The following PGAM1 variants were observed in gnomAD, a reference collection of about 807,000 sequenced individuals.
The protein encoded by PGAM1 is phosphoglycerate mutase 1, also known as BPG-dependent PGAM 1.
In PGAM1, 21 loss-of-function variants were observed where a neutral mutation model predicts 23.5. That is an observed-to-expected ratio of 0.89 (90% CI 0.63 to 1.29). The LOEUF is 1.29. Ranked by LOEUF, PGAM1 falls within the 50% of genes most tolerant of loss-of-function variation. The pLI, the probability that PGAM1 is intolerant of heterozygous loss-of-function variation, is 0.00. For missense variants in PGAM1, 232 were observed against 336.3 expected (o/e 0.69, Z 2.42); for synonymous variants, 109 against 128.6 (o/e 0.85, Z 1.03).
intron 1 of PGAM1, chr10:97,427,622 A>G (rs1845424494): frequency 2.1e-5 from 25 of 1,180,302 alleles, no homozygotes; most frequent in Non-Finnish European, 2.5e-5. Context: ...CAAAGGTGGA[A>G]GTGGCTGTGA....
chr10:97,427,752 G>T (rs1326064602), intron 1 of PGAM1: 1 of 1,282,086 alleles, frequency 7.8e-7, no homozygotes, highest in African/African-American at 1.5e-5. Context: ...CTGAAGAGGT[G>T]CTTCCGCTGA....
At chr10:97,427,750 G>A in intron 1 of PGAM1, 2 of 1,281,406 alleles carry the variant, frequency 1.6e-6, no homozygotes, top group South Asian at 2.5e-5. Context: ...GACTGAAGAG[G>A]TGCTTCCGCT....
intron 1 of PGAM1, 31 bp from the exon 2 acceptor site, chr10:97,430,345 GGTT>G: frequency 6.2e-7 from 1 of 1,611,480 alleles, no homozygotes; most frequent in Non-Finnish European, 8.5e-7. Context: ...GAGTAGACCT[GGTT>G]AGCTTATCAC....
At chr10:97,429,884 A>G (rs1210934552) in intron 1 of PGAM1, among the ~76,000 whole-genome samples, 5 of 152,040 alleles carry the variant, frequency 3.3e-5, no homozygotes, top group Non-Finnish European at 7.4e-5. Context: ...TGTCTCTACT[A>G]AAAATACAAA....
intron 1 of PGAM1, chr10:97,427,964 G>C (rs1319226993): frequency 7.8e-7 from 1 of 1,278,444 alleles, no homozygotes; most frequent in Non-Finnish European, 1.0e-6. Context: ...GGTGGGCAGG[G>C]GAGTGATTGT....
rs917116223 is a variant in PGAM1, at chr10:97,433,309, A to G, written c.*785A>G. ...AGTGAAATGCCTCTTGGTCCTGTCC[A>G]AGTGTATCTTTCACTGATTTCTGAA... On this transcript the variant is annotated 3_prime_UTR_variant, in exon 4 of 4. Transcript: ENST00000334828. The G allele has an allele frequency of 1.3e-5, 2 of 151,390 alleles. No homozygotes were observed. The highest frequency in any genetic ancestry group is 4.9e-5 in the African/African-American group (2 of 41,002). 9.4% of individuals were successfully genotyped at this position (151,390 alleles called of 1,614,324 possible).
At chr10:97,431,522 G>GT (rs1455131341) in intron 3 of PGAM1, among the ~76,000 whole-genome samples, 1 of 152,214 alleles carries the variant, frequency 6.6e-6, no homozygotes, top group Non-Finnish European at 1.5e-5. Flanking sequence ...GCTCATGCCT[G>GT]TAATTGCAAC....
chr10:97,427,036 A>C (rs1324857046), intron 1 of PGAM1: 1 of 146,082 alleles, frequency 6.8e-6, no homozygotes. Flanking sequence ...CTCTGTCCAG[A>C]AAAAAAAAAT....
chr10:97,432,914 C>T lies in PGAM1; in HGVS notation c.*390C>T. ...GTCTGTCCCCATGAGCGGAGTCTGT[C>T]CTCTGCTCTTCTGCAGTCAGGTCAC... On this transcript the variant is annotated 3_prime_UTR_variant, in exon 4 of 4. Transcript: ENST00000334828. 4.3e-6 allele frequency: 1 copy of T among 232,440 alleles called. No individual in the cohort carries two copies. Among genetic ancestry groups the T allele is most frequent in the South Asian group, 5.8e-5 (1 of 17,126 alleles). 14.4% of individuals were successfully genotyped at this position (232,440 alleles called of 1,614,324 possible).
chr10:97,432,207 T>C (rs1845477959), intron 3 of PGAM1, 148 bp from the exon 4 acceptor site: 3 of 1,111,688 alleles, frequency 2.7e-6, no homozygotes, highest in African/African-American at 3.1e-5. Context: ...TGGGGGCCAT[T>C]CCCTGGGTTC....
intron 1 of PGAM1, among the ~76,000 whole-genome samples, chr10:97,426,765 G>C (rs1356449286): frequency 6.6e-6 from 1 of 152,252 alleles, no homozygotes; most frequent in African/African-American, 2.4e-5. Context: ...CGGGCGTGGT[G>C]GCTCACGCCT....
rs891941536 is a variant in PGAM1 at position 97,427,555 on chromosome 10, G to A, written c.139+1109G>A. On this transcript the variant is annotated intron_variant, in intron 1 of 3. Transcript: ENST00000334828. ...AGTCCAGTGTCCTCGCCCTAGTCCT[G>A]GGTGAAGTAACAGGTAGGTGTGAGG... 38 of 1,149,642 alleles carry A rather than the reference G, an allele frequency of 3.3e-5. No individual in the cohort carries two copies. In the African/African-American group the frequency reaches 6.0e-4, roughly 18 times the overall value. The allele number at this position is 1,149,642 out of a possible 1,614,324, so 71.2% of individuals were successfully genotyped here. A position where few individuals can be genotyped will look rare whatever the true frequency, so the allele number is the denominator to read the frequency against.
At chr10:97,430,686 C>T (rs754624087) in intron 2 of PGAM1, 33 bp downstream of exon 2, 2 of 1,602,136 alleles carry the variant, frequency 1.2e-6, no homozygotes, top group East Asian at 2.2e-5. Flanking sequence ...TCACTCCGCC[C>T]AGGATCAGGG....
At chr10:97,431,215 T>C (rs1845468324) in intron 3 of PGAM1, 80 bp downstream of exon 3, 6 of 1,536,224 alleles carry the variant, frequency 3.9e-6, no homozygotes, top group Non-Finnish European at 5.4e-6. Context: ...TAAAAAGGAG[T>C]CTAGGGAAGG....
rs979317271 is a variant in PGAM1, at chr10:97,430,613, C to T, written c.374C>T (p.Pro125Leu). 164 of 1,602,430 alleles carry T rather than the reference C, an allele frequency of 1.0e-4. No homozygotes were observed. Among genetic ancestry groups the T allele is most frequent in the Non-Finnish European group, 1.3e-4 (156 of 1,179,970 alleles). Reference sequence around the variant, plus strand: ...CGCTCCTATGATGTCCCACCACCTCCGATGGAGCCCGACCATCCTTTCTAC... The same window carrying T: ...CGCTCCTATGATGTCCCACCACCTCTGATGGAGCCCGACCATCCTTTCTAC... The part of the protein sequence containing the change: ...WRRSYDVPPP[P>L]MEPDHPFYSN... The change falls in exon 2 of 4, where the codon CCG becomes CTG. Residue 125 changes from proline (P) to leucine (L), a missense_variant. Pro to Leu is a moderately conservative substitution (Grantham distance 98). Transcript: ENST00000334828.
rs1001842596 is a variant in PGAM1, at chr10:97,426,200, C to A, written c.-108C>A. 3.3e-6 allele frequency: 5 copies of A among 1,529,180 alleles called. No individual in the cohort carries two copies. The South Asian group carries it at 5.7e-5, about 18-fold the overall frequency. 94.7% of individuals were successfully genotyped at this position (1,529,180 alleles called of 1,614,324 possible). A position where few individuals can be genotyped will look rare whatever the true frequency, so the allele number is the denominator to read the frequency against. Reference sequence around the variant, plus strand: ...GTGGAAAGATTTGGGCGAGAACTTGCGCGGGAGCCGGACTGAGCGGTGCGA... The same window carrying A: ...GTGGAAAGATTTGGGCGAGAACTTGAGCGGGAGCCGGACTGAGCGGTGCGA... On this transcript the variant is annotated 5_prime_UTR_variant, in exon 1 of 4. Coordinates refer to ENST00000334828, the MANE Select transcript of PGAM1 (RefSeq NM_002629.4).
intron 1 of PGAM1, among the ~76,000 whole-genome samples, chr10:97,429,625 T>C (rs1845447024): frequency 6.6e-6 from 1 of 152,184 alleles, no homozygotes; most frequent in African/African-American, 2.4e-5. Context: ...AGAGAAACCA[T>C]GGATTAGAGT....
rs943136265 is a variant in PGAM1 at position 97,430,643 on chromosome 10, A to C, written c.404A>C (p.Asn135Thr). Reference protein sequence around the residue: ...PMEPDHPFYSNISKDRRYADL... With the variant: ...PMEPDHPFYSTISKDRRYADL... ...GAGCCCGACCATCCTTTCTACAGCA[A>C]CATCAGTAAGGTATGGACAAACAGA... The change falls in exon 2 of 4, where the codon AAC becomes ACC. Residue 135 changes from asparagine (N) to threonine (T), a missense_variant. By Grantham distance (65) the Asn-to-Thr change is moderately conservative. This residue lies in a region of PGAM1 where 191 missense variants were observed against 241.7 expected (regional missense o/e 0.79). Coordinates refer to ENST00000334828, the MANE Select transcript of PGAM1 (RefSeq NM_002629.4). The C allele has an allele frequency of 1.2e-6, 2 of 1,603,028 alleles. No individual in the cohort carries two copies. The highest frequency in any genetic ancestry group is 2.7e-5 in the African/African-American group (2 of 74,926).
At chr10:97,428,983 A>C (rs1414570611) in intron 1 of PGAM1, among the ~76,000 whole-genome samples, 4 of 152,214 alleles carry the variant, frequency 2.6e-5, no homozygotes, top group African/African-American at 9.6e-5. Context: ...CTTCTAGCCT[A>C]ATGGAGAAAA....
Sources: allele counts gnomAD v4.1 joint callset (sites outside exome capture counted in the v4.1 genomes callset), GRCh38; gene constraint gnomAD v4.1.1; regional missense constraint gnomAD v4.1.1; transcripts MANE v1.5; gene names NCBI Gene and HGNC (gene_info 2026-07-23, HGNC 2026-07-21).